Variants in PPP6R2 observed in about 807,000 individuals in gnomAD.
PPP6R2 encodes the protein serine/threonine-protein phosphatase 6 regulatory subunit 2.
PPP6R2 carries 62 observed loss-of-function variants against 100.2 expected under a neutral mutation model. The ratio of observed to expected loss-of-function variants is 0.62; its 90% confidence interval spans 0.50 to 0.76. PPP6R2 has a LOEUF of 0.76. Ranked by LOEUF, PPP6R2 falls within the 30% of genes least tolerant of loss-of-function variation. The pLI, the probability that PPP6R2 is intolerant of heterozygous loss-of-function variation, is 0.00. For missense variants in PPP6R2, 1,142 were observed against 1,276.3 expected, an observed-to-expected ratio of 0.89 and a Z score of 1.60; for synonymous variants, 525 against 514.7, an observed-to-expected ratio of 1.02 and a Z score of -0.27.
intron 1 of PPP6R2, among the ~76,000 whole-genome samples, chr22:50,360,510 A>G (rs996441754): frequency 1.3e-5 from 2 of 151,694 alleles, no homozygotes; most frequent in Non-Finnish European, 1.5e-5. Context: ...CTGCAAGTAC[A>G]TGCCACCACA....
At chr22:50,417,350 T>C (rs1196031940) in intron 6 of PPP6R2, among the ~76,000 whole-genome samples, 3 of 152,062 alleles carry the variant, frequency 2.0e-5, no homozygotes, top group African/African-American at 4.8e-5. Context: ...CAGCCCACAC[T>C]AAAAGAGATG....
Position 50,423,613 on chromosome 22 carries a change from T to C in PPP6R2, c.1124T>C (p.Leu375Pro). ...LCRLNTMDLL[L>P]DLFFKYTWNN... ...CGGCTCAACACGATGGACTTACTGCTGGTAAGTGGGCCCCTCAGCCAGCCC... is the reference window on the plus strand; with the variant it reads ...CGGCTCAACACGATGGACTTACTGCCGGTAAGTGGGCCCCTCAGCCAGCCC... Residue 375 changes from leucine to proline, a missense_variant and splice_region_variant, in exon 10 of 24, where the codon CTG becomes CCG. Around this residue, in one of 2 missense-constraint regions of PPP6R2, gnomAD observed 592 missense variants for 758.9 expected, o/e 0.78. Coordinates refer to ENST00000612753, the MANE Select transcript of PPP6R2 (RefSeq NM_001242898.2). This position sits in a 1 kb window ranked among gnomAD's most constrained non-coding sequence, Gnocchi z 4.8. 6.2e-7 allele frequency: 1 copy of C among 1,614,020 alleles called. No individual in the cohort carries two copies. The highest frequency in any genetic ancestry group is 8.5e-7 in the Non-Finnish European group (1 of 1,179,994).
chr22:50,363,671 T>C (rs1334075704), intron 1 of PPP6R2, among the ~76,000 whole-genome samples: 1 of 152,222 alleles, frequency 6.6e-6, no homozygotes, highest in Non-Finnish European at 1.5e-5. Context: ...TCTCTCCTGC[T>C]TCTGCTCTTA....
chr22:50,340,388 A>G (rs1224889897), upstream of PPP6R2, among the ~76,000 whole-genome samples: 25 of 39,348 alleles, frequency 6.4e-4, no homozygotes, highest in South Asian at 7.3e-4. Context: ...TGTGTATGGT[A>G]TGTGGTGTGT....
At chr22:50,420,141 C>T (rs907536600) in intron 8 of PPP6R2, among the ~76,000 whole-genome samples, 1 of 152,226 alleles carries the variant, frequency 6.6e-6, no homozygotes, top group Non-Finnish European at 1.5e-5. Flanking sequence ...TGCAGAGTGG[C>T]GAGTGCAGTA....
In PPP6R2 at chr22:50,444,291, C is replaced by G. The variant is rs761764001; in HGVS notation, c.*44C>G. The G allele has an allele frequency of 1.3e-6, 2 of 1,589,966 alleles. No individual in the cohort carries two copies. Among genetic ancestry groups the G allele is most frequent in the South Asian group, 2.3e-5 (2 of 86,810 alleles). ...ACGGCCCACCCTGGTCAGGCTGCCTCCTTAATCGAGAAAACTACCTGGTGA... is the reference window on the plus strand; with the variant it reads ...ACGGCCCACCCTGGTCAGGCTGCCTGCTTAATCGAGAAAACTACCTGGTGA... On this transcript the variant is annotated 3_prime_UTR_variant, in exon 24 of 24. Coordinates refer to ENST00000612753, the MANE Select transcript of PPP6R2 (RefSeq NM_001242898.2).
chr22:50,436,440 C>T lies in PPP6R2; in HGVS notation c.1590C>T (p.Asn530=), dbSNP rs1306234235. ...CGCTGACGGAGACGAACCGCAGGAACACTGTGGACCTGGTGAGGAGGCTCG... is the reference window on the plus strand; with the variant it reads ...CGCTGACGGAGACGAACCGCAGGAATACTGTGGACCTGGTGAGGAGGCTCG... The part of the protein sequence containing the change: ...EETLTETNRR[N]TVDLVSTHHL... The change falls in exon 14 of 24, where the codon AAC becomes AAT. Residue 530 remains asparagine (N), a synonymous_variant. Transcript: ENST00000612753. 2 of 1,591,494 alleles carry T rather than the reference C, an allele frequency of 1.3e-6. No individual in the cohort carries two copies. Among genetic ancestry groups the T allele is most frequent in the Non-Finnish European group, 1.7e-6 (2 of 1,170,410 alleles).
upstream of PPP6R2, among the ~76,000 whole-genome samples, chr22:50,342,520 A>G (rs67048095): frequency 0.28 from 42,367 of 152,068 alleles, 8,106 homozygotes; most frequent in African/African-American, 0.54. Flanking sequence ...AGCTGGCAAA[A>G]GAGAAATACC....
In PPP6R2 at chr22:50,443,883, G is replaced by T; in HGVS notation, c.2597G>T (p.Ser866Ile). ...EAVGRVGCAD[S>I]RLLSPACPAP... ...CCACACAGGGTCGGGTGTGCTGACA[G>T]CCGGCTGTTAAGCCCTGCCTGCCCC... Residue 866 changes from serine (S) to isoleucine (I), a missense_variant, in exon 23 of 24, where the codon AGC becomes ATC. Physicochemically the swap from Ser to Ile is moderately radical, Grantham distance 142. Transcript: ENST00000612753. 6.3e-7 allele frequency: 1 copy of T among 1,583,474 alleles called. No homozygotes were observed. Among genetic ancestry groups the T allele is most frequent in the Non-Finnish European group, 8.6e-7 (1 of 1,164,648 alleles).
At chr22:50,368,244 C>T (rs2049184880) in intron 1 of PPP6R2, among the ~76,000 whole-genome samples, 1 of 152,144 alleles carries the variant, frequency 6.6e-6, no homozygotes, top group Non-Finnish European at 1.5e-5. Flanking sequence ...TGATGTCAGG[C>T]CTTCCACAGG....
intron 1 of PPP6R2, among the ~76,000 whole-genome samples, chr22:50,347,107 T>C (rs1487399790): frequency 2.6e-5 from 4 of 151,932 alleles, no homozygotes; most frequent in Non-Finnish European, 4.4e-5. Flanking sequence ...TTGTGGCCCT[T>C]CCGCTCTTTG....
chr22:50,340,565 GT>G (rs1257673167), upstream of PPP6R2, among the ~76,000 whole-genome samples: 2 of 143,440 alleles, frequency 1.4e-5, no homozygotes, highest in South Asian at 2.3e-4. Context: ...GTGGTATGTA[GT>G]GTGTGTGGTA....
chr22:50,350,784 G>C (rs1204259614), intron 1 of PPP6R2, among the ~76,000 whole-genome samples: 4 of 150,332 alleles, frequency 2.7e-5, no homozygotes, highest in Non-Finnish European at 5.9e-5. Flanking sequence ...GGCGCAACTT[G>C]CAGTGAGCCG....
intron 1 of PPP6R2, among the ~76,000 whole-genome samples, chr22:50,370,659 A>C (rs1332869897): frequency 6.7e-6 from 1 of 150,244 alleles, no homozygotes; most frequent in African/African-American, 2.5e-5. Flanking sequence ...TTTGAGACGG[A>C]GTCTCACTCT....
rs56269507 is a variant in PPP6R2 at position 50,443,909 on chromosome 22, G to T, written c.2623G>T (p.Ala875Ser). 1 of 1,593,586 alleles carries T rather than the reference G, an allele frequency of 6.3e-7. No homozygotes were observed. The highest frequency in any genetic ancestry group is 2.3e-5 in the East Asian group (1 of 43,694). ...DSRLLSPACP[A>S]PKEVTAAPAV... ...CCGGCTGTTAAGCCCTGCCTGCCCC[G>T]CGCCAAAGGAAGTGACTGCTGCCCC... is the stretch of plus-strand genomic sequence containing the variant. The change falls in exon 23 of 24, where the codon GCG becomes TCG. Residue 875 changes from alanine (A) to serine (S), a missense_variant. By Grantham distance (99) the Ala-to-Ser change is moderately conservative (BLOSUM62 1). Transcript: ENST00000612753.
intron 2 of PPP6R2, among the ~76,000 whole-genome samples, chr22:50,392,358 A>C (rs4075442): frequency 0.36 from 52,542 of 147,052 alleles, 10,038 homozygotes; most frequent in South Asian, 0.61. Context: ...AAAAAAAAAA[A>C]CCCACCCCAA....
intron 4 of PPP6R2, among the ~76,000 whole-genome samples, chr22:50,411,895 A>G (rs2059797901): frequency 6.6e-6 from 1 of 151,672 alleles, no homozygotes; most frequent in African/African-American, 2.4e-5. Flanking sequence ...AATACAAAAA[A>G]TTGGCTGGAC....
chr22:50,442,907 G>GTT (rs1193898355), intron 22 of PPP6R2, among the ~76,000 whole-genome samples: 1 of 149,072 alleles, frequency 6.7e-6, no homozygotes, highest in African/African-American at 2.5e-5. Context: ...GCTCACGCCT[G>GTT]TAATCCCAGC....
intron 4 of PPP6R2, 32 bp downstream of exon 4, chr22:50,406,907 G>A (rs1161921174): frequency 1.3e-6 from 2 of 1,589,014 alleles, no homozygotes. Flanking sequence ...CGTGACTTGG[G>A]GCACCGTCAT....
Sources: allele counts gnomAD v4.1 joint callset (sites outside exome capture counted in the v4.1 genomes callset), GRCh38; gene constraint gnomAD v4.1.1; regional missense constraint gnomAD v4.1.1; non-coding constraint Gnocchi (gnomAD v3.1); transcripts MANE v1.5; gene names NCBI Gene and HGNC (gene_info 2026-07-23, HGNC 2026-07-21).